Variants in AHDC1 observed in about 807,000 individuals in gnomAD.
AHDC1 encodes the protein AT-hook DNA binding motif containing 1, also known as transcription factor Gibbin.
Under a neutral mutation model 87.9 loss-of-function variants are expected in AHDC1, and 7 were observed. The observed-to-expected ratio is 0.08, with a 90% CI of 0.05 to 0.15. The LOEUF (loss-of-function observed/expected upper bound fraction) is 0.15, where lower values mean the gene tolerates loss of function less well. AHDC1 is among the 10% of genes least tolerant of loss of function. The pLI, the probability that AHDC1 is intolerant of heterozygous loss-of-function variation, is 1.00. For missense variants in AHDC1, 1,841 were observed against 2,253.2 expected, an observed-to-expected ratio of 0.82 and a Z score of 3.70; for synonymous variants, 1,051 against 1,006.8, an observed-to-expected ratio of 1.04 and a Z score of -0.83.
chr1:27,539,374 C>T (rs1293126640), intron 8 of AHDC1, among the ~76,000 whole-genome samples: 1 of 151,860 alleles, frequency 6.6e-6, no homozygotes, highest in African/African-American at 2.4e-5. Flanking sequence ...TGGGCTCAAG[C>T]GATCCTCCCA....
At chr1:27,567,528 C>T (rs567110939) in intron 3 of AHDC1, among the ~76,000 whole-genome samples, 7 of 152,124 alleles carry the variant, frequency 4.6e-5, no homozygotes, top group Non-Finnish European at 1.0e-4. Flanking sequence ...TGGCCCCATC[C>T]CTGGGGCCTC....
At position 27,558,562 on chromosome 1, in the gene AHDC1, G is replaced by T. The variant is rs917288268; in HGVS notation, c.-450-32C>A. On this transcript the variant is annotated intron_variant, in intron 4 of 8. Coordinates refer to ENST00000673934, the MANE Select transcript of AHDC1 (RefSeq NM_001371928.1). The surrounding 1 kb of genome is among the most constrained non-coding windows in gnomAD (Gnocchi z 5.6). Reference sequence around the variant, plus strand: ...AATGGGGAGTTTGAGTAAATGTTGGGTTAATATGTTTTGATTCTGTAAAGA... The same window carrying T: ...AATGGGGAGTTTGAGTAAATGTTGGTTTAATATGTTTTGATTCTGTAAAGA... 29 of 395,518 alleles carry T rather than the reference G, an allele frequency of 7.3e-5. No individual in the cohort carries two copies. Among genetic ancestry groups the T allele is most frequent in the African/African-American group, 5.4e-4 (26 of 48,584 alleles). The allele number at this position is 395,518 out of a possible 1,614,324, so 24.5% of individuals were successfully genotyped here. A position where few individuals can be genotyped will look rare whatever the true frequency, so the allele number is the denominator to read the frequency against.
chr1:27,586,968 G>A, intron 3 of AHDC1, among the ~76,000 whole-genome samples: 1 of 152,164 alleles, frequency 6.6e-6, no homozygotes, highest in African/African-American at 2.4e-5. Flanking sequence ...CTGAGGCCCT[G>A]GCCCCTCATT....
chr1:27,577,346 G>A (rs2088784885), intron 3 of AHDC1, among the ~76,000 whole-genome samples: 1 of 152,246 alleles, frequency 6.6e-6, no homozygotes, highest in Non-Finnish European at 1.5e-5. Context: ...CCGTGCGGCA[G>A]CTAGAGGGGC....
chr1:27,576,835 G>C (rs1024656303), intron 3 of AHDC1, among the ~76,000 whole-genome samples: 1 of 152,186 alleles, frequency 6.6e-6, no homozygotes, highest in African/African-American at 2.4e-5. Flanking sequence ...CAACAGTGGA[G>C]GCTGCTTTTG....
At chr1:27,599,155 C>G (rs1289749699) in intron 3 of AHDC1, among the ~76,000 whole-genome samples, 1 of 152,172 alleles carries the variant, frequency 6.6e-6, no homozygotes, top group African/African-American at 2.4e-5. Flanking sequence ...TCCATATTGG[C>G]TACACCCTCC....
At position 27,550,957 on chromosome 1, in the gene AHDC1, T is replaced by C. The variant is rs1427333777; in HGVS notation, c.1159A>G (p.Thr387Ala). The C allele has an allele frequency of 2.5e-6, 4 of 1,597,944 alleles. No individual in the cohort carries two copies. The highest frequency in any genetic ancestry group is 2.7e-5 in the African/African-American group (2 of 74,806). ...CGACACAGGATCTTTGGCCTATCAGTGCGCCGCAAGGCGTACTTGGGGTGA... is the reference window on the plus strand; with the variant it reads ...CGACACAGGATCTTTGGCCTATCAGCGCGCCGCAAGGCGTACTTGGGGTGA... ...EGHPKYALRR[T>A]DRPKILCRRR... Residue 387 changes from threonine (T) to alanine (A), a missense_variant, in exon 8 of 9, where the codon ACT becomes GCT. Coordinates refer to ENST00000673934, the MANE Select transcript of AHDC1 (RefSeq NM_001371928.1).
chr1:27,591,950 G>C (rs1234079777), intron 3 of AHDC1, among the ~76,000 whole-genome samples: 1 of 152,198 alleles, frequency 6.6e-6, no homozygotes, highest in Non-Finnish European at 1.5e-5. Context: ...CCAGTGGCCA[G>C]GGAGAAGGGG....
In AHDC1 at chr1:27,547,919, C is replaced by T. The variant is rs769282629; in HGVS notation, c.4197G>A (p.Ser1399=). 5.0e-5 allele frequency: 78 copies of T among 1,573,246 alleles called. No individual in the cohort carries two copies. The highest frequency in any genetic ancestry group is 6.6e-5 in the Non-Finnish European group (76 of 1,156,478). The change falls in exon 8 of 9, where the codon TCG becomes TCA. Residue 1399 remains serine (S), a synonymous_variant. Transcript: ENST00000673934. The surrounding 1 kb of genome is among the most constrained non-coding windows in gnomAD (Gnocchi z 4.9). The part of the protein sequence containing the change: ...VFDAGLQKAY[S]PTCSPTLGFK... Reference sequence around the variant, plus strand: ...AGCCCAGTGTAGGCGAGCAGGTGGGCGAGTATGCCTTCTGCAGGCCGGCGT... The same window carrying T: ...AGCCCAGTGTAGGCGAGCAGGTGGGTGAGTATGCCTTCTGCAGGCCGGCGT...
chr1:27,549,878 C>T lies in AHDC1; in HGVS notation c.2238G>A (p.Lys746=), dbSNP rs1345086878. The T allele has an allele frequency of 6.2e-7, 1 of 1,613,514 alleles. No individual in the cohort carries two copies. Among genetic ancestry groups the T allele is most frequent in the African/African-American group, 1.3e-5 (1 of 74,932 alleles). Residue 746 remains lysine, a synonymous_variant, in exon 8 of 9, where the codon AAG becomes AAA. Coordinates refer to ENST00000673934, the MANE Select transcript of AHDC1 (RefSeq NM_001371928.1). ...GKPKRKRRSR[K]NGTLFPEQVP... The stretch of plus-strand genomic sequence containing the variant: ...CCTGCTCTGGGAACAGAGTCCCATT[C>T]TTCCGGGACCGTCTCTTGCGCTTTG...
At chr1:27,572,368 A>C (rs2088557891) in intron 3 of AHDC1, among the ~76,000 whole-genome samples, 1 of 152,060 alleles carries the variant, frequency 6.6e-6, no homozygotes, top group African/African-American at 2.4e-5. Context: ...ACAAAGATAG[A>C]AGGGAAGAGG....
chr1:27,601,419 TGAA>T (rs1363457221), intron 3 of AHDC1, among the ~76,000 whole-genome samples: 1 of 152,194 alleles, frequency 6.6e-6, no homozygotes, highest in African/African-American at 2.4e-5. Flanking sequence ...CAAAGCCAGA[TGAA>T]GAAGGACAAC....
chr1:27,573,573 A>T (rs1490042315), intron 3 of AHDC1, among the ~76,000 whole-genome samples: 1 of 152,124 alleles, frequency 6.6e-6, no homozygotes, highest in East Asian at 1.9e-4. Context: ...TGGGCCACAT[A>T]AATTTGGTGG....
intron 3 of AHDC1, among the ~76,000 whole-genome samples, chr1:27,569,854 C>G (rs1158063690): frequency 1.3e-5 from 2 of 152,100 alleles, no homozygotes; most frequent in African/African-American, 4.8e-5. Context: ...CTGCTGAGAA[C>G]AAGTAGAAAC....
chr1:27,579,419 G>A (rs939452902), intron 3 of AHDC1, among the ~76,000 whole-genome samples: 1 of 152,114 alleles, frequency 6.6e-6, no homozygotes, highest in Non-Finnish European at 1.5e-5. Context: ...CGTGAATCTA[G>A]GTTCAGCCAG....
Position 27,549,928 on chromosome 1 carries a change from C to T in AHDC1, c.2188G>A (p.Glu730Lys). 1.2e-6 allele frequency: 2 copies of T among 1,613,090 alleles called. No individual in the cohort carries two copies. Among genetic ancestry groups the T allele is most frequent in the Non-Finnish European group, 1.7e-6 (2 of 1,179,596 alleles). The change falls in exon 8 of 9, where the codon GAG becomes AAG. Residue 730 changes from glutamate to lysine, a missense_variant. Physicochemically the swap from Glu to Lys is moderately conservative, Grantham distance 56. Around this residue, in one of 13 missense-constraint regions of AHDC1, gnomAD observed 236 missense variants for 257.9 expected, o/e 0.92. Coordinates refer to ENST00000673934, the MANE Select transcript of AHDC1 (RefSeq NM_001371928.1). ...LGHPRKRGRG[E>K]VDAVTGKPKR... is the part of the protein sequence containing the mutation. Reference sequence around the variant, plus strand: ...GGCTTCCCAGTCACAGCGTCTACCTCCCCCCGGCCCCGTTTGCGTGGGTGC... The same window carrying T: ...GGCTTCCCAGTCACAGCGTCTACCTTCCCCCGGCCCCGTTTGCGTGGGTGC...
Position 27,550,235 on chromosome 1 carries a change from C to T in AHDC1, c.1881G>A (p.Gln627=), listed in dbSNP as rs2148283074. 1.2e-6 allele frequency: 2 copies of T among 1,613,784 alleles called. No individual in the cohort carries two copies. Among genetic ancestry groups the T allele is most frequent in the Non-Finnish European group, 1.7e-6 (2 of 1,179,966 alleles). The change falls in exon 8 of 9, where the codon CAG becomes CAA. Residue 627 remains glutamine, a synonymous_variant. Coordinates refer to ENST00000673934, the MANE Select transcript of AHDC1 (RefSeq NM_001371928.1). The part of the protein sequence containing the change: ...AKLAFLNRQS[Q]CAGRCSPPRC... ...GGGGCGGTGAGCACCGTCCAGCGCA[C>T]TGGCTCTGGCGGTTCAGGAAGGCCA...
At position 27,547,950 on chromosome 1, in the gene AHDC1, A is replaced by G; in HGVS notation, c.4166T>C (p.Val1389Ala). The G allele has an allele frequency of 6.3e-7, 1 of 1,593,006 alleles. No individual in the cohort carries two copies. Among genetic ancestry groups the G allele is most frequent in the African/African-American group, 1.3e-5 (1 of 74,716 alleles). The change falls in exon 8 of 9, where the codon GTG becomes GCG. Residue 1389 changes from valine to alanine, a missense_variant. Val to Ala is a moderately conservative substitution (Grantham distance 64). Transcript: ENST00000673934. This position sits in a 1 kb window ranked among gnomAD's most constrained non-coding sequence, Gnocchi z 4.9. Reference protein sequence around the residue: ...HFPPLAHPPTVFDAGLQKAYS... With the variant: ...HFPPLAHPPTAFDAGLQKAYS... Reference sequence around the variant, plus strand: ...TGCCTTCTGCAGGCCGGCGTCAAACACCGTGGGTGGGTGGGCCAGCGGTGG... The same window carrying G: ...TGCCTTCTGCAGGCCGGCGTCAAACGCCGTGGGTGGGTGGGCCAGCGGTGG...
At chr1:27,602,246 G>A (rs150166691) in intron 3 of AHDC1, among the ~76,000 whole-genome samples, 2 of 151,992 alleles carry the variant, frequency 1.3e-5, no homozygotes, top group African/African-American at 2.4e-5. Flanking sequence ...CAGGGTCTGC[G>A]GTAGAGAATT....
Sources: allele counts gnomAD v4.1 joint callset (sites outside exome capture counted in the v4.1 genomes callset), GRCh38; gene constraint gnomAD v4.1.1; regional missense constraint gnomAD v4.1.1; non-coding constraint Gnocchi (gnomAD v3.1); transcripts MANE v1.5; gene names NCBI Gene and HGNC (gene_info 2026-07-23, HGNC 2026-07-21).